NRXN3: variants seen among roughly 807,000 people sequenced by gnomAD.
The protein encoded by NRXN3 is neurexin 3, also known as neurexin III.
Under a neutral mutation model 137.6 loss-of-function variants are expected in NRXN3, and 32 were observed. The ratio of observed to expected loss-of-function variants is 0.23; its 90% CI spans 0.18 to 0.31. The LOEUF is 0.31. NRXN3 is among the 10% of genes least tolerant of loss of function. NRXN3 has a pLI of 1.00. For synonymous variants in NRXN3, 798 were observed against 784.5 expected, an observed-to-expected ratio of 1.02 and a Z score of -0.29; for missense variants, 1,574 against 2,062.5, an observed-to-expected ratio of 0.76 and a Z score of 4.59.
At chr14:78,546,209 C>T (rs944214965) in intron 4 of NRXN3, among the ~76,000 whole-genome samples, 4 of 152,210 alleles carry the variant, frequency 2.6e-5, no homozygotes, top group Admixed American at 2.6e-4. Context: ...CCTTTTCACA[C>T]ATCCCTGATA....
At chr14:79,057,438 C>T (rs1333004180) in intron 15 of NRXN3, among the ~76,000 whole-genome samples, 1 of 152,152 alleles carries the variant, frequency 6.6e-6, no homozygotes, top group African/African-American at 2.4e-5. Context: ...AAATGTGCCA[C>T]TTCATATTCT....
intron 4 of NRXN3, among the ~76,000 whole-genome samples, chr14:78,644,445 T>G (rs1160123805): frequency 6.6e-6 from 1 of 152,132 alleles, no homozygotes; most frequent in African/African-American, 2.4e-5. Context: ...CAAAACAGGA[T>G]ACCCTAGAGC....
chr14:79,183,531 AT>A (rs1223694968), intron 15 of NRXN3, among the ~76,000 whole-genome samples: 1 of 152,230 alleles, frequency 6.6e-6, no homozygotes, highest in Non-Finnish European at 1.5e-5. Flanking sequence ...GGAAATCTTG[AT>A]TATATGCTCA....
intron 8 of NRXN3, among the ~76,000 whole-genome samples, chr14:78,773,895 G>A (rs1160371341): frequency 2.0e-5 from 3 of 151,968 alleles, no homozygotes; most frequent in East Asian, 3.9e-4. Flanking sequence ...TCCGCCTCCC[G>A]GGTTCAAGCG....
At chr14:78,482,819 TAGTC>T (rs1251485550) in intron 4 of NRXN3, among the ~76,000 whole-genome samples, 2 of 152,198 alleles carry the variant, frequency 1.3e-5, no homozygotes, top group Non-Finnish European at 2.9e-5. Context: ...GCTTGATAAT[TAGTC>T]AGCATTACCC....
At chr14:79,226,073 A>G (rs7145504) in intron 15 of NRXN3, among the ~76,000 whole-genome samples, 4,183 of 152,146 alleles carry the variant, frequency 0.027, 140 homozygotes, top group South Asian at 0.085. Flanking sequence ...GTAGCCTAAC[A>G]TATTCACAGC....
At chr14:79,167,758 T>G (rs556980381) in intron 15 of NRXN3, among the ~76,000 whole-genome samples, 1 of 152,004 alleles carries the variant, frequency 6.6e-6, no homozygotes, top group Non-Finnish European at 1.5e-5. Context: ...CACCTAAAGT[T>G]ACAACTTATT....
rs116805922 is a variant in NRXN3 at position 79,332,013 on chromosome 14, T to C, written c.3263-135208T>C. ...GATGGAAAAGCATGTGTGTATCTTA[T>C]AGTGTTAGCAATTTGGCACGGTTTT... On this transcript the variant is annotated intron_variant, in intron 15 of 20. Transcript: ENST00000335750. 3.7e-3 allele frequency among the ~76,000 whole-genome samples: 560 copies of C among 152,308 alleles called. 1 individual carries two copies. The highest frequency in any genetic ancestry group is 0.012 in the African/African-American group (516 of 41,566).
At chr14:79,261,532 G>T (rs140024629) in intron 15 of NRXN3, among the ~76,000 whole-genome samples, 28 of 150,268 alleles carry the variant, frequency 1.9e-4, no homozygotes, top group African/African-American at 6.8e-4. Flanking sequence ...CACATAAGTA[G>T]GGAAAGAAAG....
In NRXN3 at chr14:78,447,353, G is replaced by A. The variant is rs575403395; in HGVS notation, c.757+149493G>A. On this transcript the variant is annotated intron_variant, in intron 4 of 20. Transcript: ENST00000335750. ...TTTAATCATACATTTTGACTGTATC[G>A]TTTTAATTTACGGAGGCACCCTAAG... Among the ~76,000 whole-genome samples the A allele has an allele frequency of 1.2e-3, 189 of 152,352 alleles. 1 individual carries two copies. Among genetic ancestry groups the A allele is most frequent in the African/African-American group, 3.4e-3 (141 of 41,584 alleles).
intron 1 of NRXN3, among the ~76,000 whole-genome samples, chr14:78,229,494 T>C (rs538595214): frequency 6.6e-6 from 1 of 152,242 alleles, no homozygotes; most frequent in South Asian, 2.1e-4. Flanking sequence ...CACTGTCCTC[T>C]CCAGATCTGG....
chr14:79,366,993 T>C (rs1214897190), intron 15 of NRXN3, among the ~76,000 whole-genome samples: 2 of 148,766 alleles, frequency 1.3e-5, no homozygotes, highest in Non-Finnish European at 3.0e-5. Context: ...TTTTTTTTTT[T>C]TTTTTTTGGA....
At chr14:78,539,363 A>G (rs1324077038) in intron 4 of NRXN3, among the ~76,000 whole-genome samples, 1 of 152,208 alleles carries the variant, frequency 6.6e-6, no homozygotes, top group Non-Finnish European at 1.5e-5. Context: ...GTGTCCAGGA[A>G]TTTATCCATT....
intron 4 of NRXN3, among the ~76,000 whole-genome samples, chr14:78,553,912 T>C (rs1381858308): frequency 1.3e-5 from 2 of 152,194 alleles, no homozygotes. Flanking sequence ...AAATGCAGCC[T>C]ACTTGTGATT....
At chr14:78,431,428 A>G (rs2093875626) in intron 4 of NRXN3, among the ~76,000 whole-genome samples, 2 of 152,202 alleles carry the variant, frequency 1.3e-5, no homozygotes, top group Admixed American at 6.5e-5. Context: ...GAGTATAGGA[A>G]TGAGTGGGAT....
chr14:78,546,932 A>C (rs2096641324), intron 4 of NRXN3, among the ~76,000 whole-genome samples: 1 of 152,060 alleles, frequency 6.6e-6, no homozygotes, highest in Non-Finnish European at 1.5e-5. Flanking sequence ...TGGGATTTGA[A>C]CTCTGGGAAT....
intron 15 of NRXN3, among the ~76,000 whole-genome samples, chr14:79,141,512 A>G (rs920480544): frequency 2.0e-5 from 3 of 152,212 alleles, no homozygotes; most frequent in African/African-American, 4.8e-5. Context: ...TCTGCATTTT[A>G]TTAAAAGAAC....
intron 15 of NRXN3, among the ~76,000 whole-genome samples, chr14:79,108,836 G>T (rs2052947298): frequency 6.6e-6 from 1 of 152,100 alleles, no homozygotes; most frequent in Admixed American, 6.5e-5. Flanking sequence ...AGAAATGAGA[G>T]AATTAAATTT....
intron 16 of NRXN3, among the ~76,000 whole-genome samples, chr14:79,663,163 G>A (rs1433925529): frequency 6.6e-6 from 1 of 152,020 alleles, no homozygotes; most frequent in East Asian, 1.9e-4. Flanking sequence ...AATTCTAGGT[G>A]AGTTTCATTG....
Sources: gnomAD v4.1 joint callset for allele counts (sites outside exome capture counted in the v4.1 genomes callset) on GRCh38, gnomAD v4.1.1 for gene constraint, MANE v1.5 for transcripts, NCBI Gene and HGNC (gene_info 2026-07-23, HGNC 2026-07-21) for gene names.